KPNB1: variants seen among roughly 807,000 people sequenced by gnomAD.
KPNB1 encodes the protein karyopherin subunit beta 1, also known as importin subunit beta-1.
KPNB1 carries 7 observed loss-of-function variants against 113.0 expected under a neutral mutation model. The ratio of observed to expected loss-of-function variants is 0.06; its 90% CI spans 0.04 to 0.12. KPNB1 has a LOEUF of 0.12. KPNB1 is among the 10% of genes least tolerant of loss of function. The probability of loss-of-function intolerance (pLI) is 1.00; values close to 1 mark genes in which losing one functional copy is unlikely to be tolerated. For missense variants in KPNB1, 400 were observed against 1,054.8 expected (o/e 0.38, Z 8.60); for synonymous variants, 363 against 378.6 (o/e 0.96, Z 0.48).
chr17:47,656,490 T>C (rs1390108665), intron 3 of KPNB1, among the ~76,000 whole-genome samples: 1 of 151,738 alleles, frequency 6.6e-6, no homozygotes, highest in Non-Finnish European at 1.5e-5. Context: ...CATTGCACTA[T>C]CGTTTTGCTA....
At position 47,682,656 on chromosome 17, in the gene KPNB1, A is replaced by G; in HGVS notation, c.*252A>G. 1.8e-6 allele frequency: 1 copy of G among 543,806 alleles called. No homozygotes were observed. Among genetic ancestry groups the G allele is most frequent in the Admixed American group, 3.4e-5 (1 of 28,992 alleles). The allele number at this position is 543,806 out of a possible 1,614,324, so 33.7% of individuals were successfully genotyped here. A position where few individuals can be genotyped will look rare whatever the true frequency, so the allele number is the denominator to read the frequency against. ...CATAACATCGGCCATCTTGGAAAAG[A>G]GAAAAACAATGGAGTTACTTATTTA... On this transcript the variant is annotated 3_prime_UTR_variant, in exon 22 of 22. Coordinates refer to ENST00000290158, the MANE Select transcript of KPNB1 (RefSeq NM_002265.6).
intron 15 of KPNB1, 67 bp downstream of exon 15, chr17:47,674,849 A>G (rs1270745038): frequency 6.6e-7 from 1 of 1,506,062 alleles, no homozygotes; most frequent in East Asian, 2.3e-5. Flanking sequence ...GGCCTTAAAT[A>G]ATTGTCACCC....
chr17:47,683,741 TG>T lies in KPNB1; in HGVS notation c.*1338del, dbSNP rs982575861. On this transcript the variant is annotated 3_prime_UTR_variant, in exon 22 of 22. Transcript: ENST00000290158. ...AACAAAAACAAAAAAAAGTGTGTGTTGTGTGAATACACACACACACTAACTA... is the reference window on the plus strand; with the variant it reads ...AACAAAAACAAAAAAAAGTGTGTGTTTGTGAATACACACACACACTAACTA... The T allele has an allele frequency of 4.1e-3, 2 of 492 alleles. No individual in the cohort carries two copies. Among genetic ancestry groups the T allele is most frequent in the Non-Finnish European group, 0.043 (2 of 46 alleles). 0.0% of individuals were successfully genotyped at this position (492 alleles called of 1,614,324 possible). A position where few individuals can be genotyped will look rare whatever the true frequency, so the allele number is the denominator to read the frequency against.
chr17:47,675,361 G>GTTTTTGTTTTTTTTTTTTTTTTTTTTTTT lies in KPNB1; in HGVS notation c.1912+584_1912+585insGTTTTTTTTTTTTTTTTTTTTTTTTTTTT, dbSNP rs2030568124. Among the ~76,000 whole-genome samples, 4 of 88,690 alleles carry GTTTTTGTTTTTTTTTTTTTTTTTTTTTTT rather than the reference G, an allele frequency of 4.5e-5. No homozygotes were observed. In the East Asian group the frequency reaches 8.7e-4, roughly 19 times the overall value. 58.2% of individuals were successfully genotyped at this position (88,690 alleles called of 152,430 possible). The stretch of plus-strand genomic sequence containing the variant: ...TGCAACGGAGATTGGCAGAGGTGTT[G>GTTTTTGTTTTTTTTTTTTTTTTTTTTTTT]TTTTTTTTTTGTTTTTTTTTTTTGT... On this transcript the variant is annotated intron_variant, in intron 15 of 21. Transcript: ENST00000290158.
intron 9 of KPNB1, among the ~76,000 whole-genome samples, chr17:47,666,791 G>A (rs929763707): frequency 2.6e-5 from 4 of 151,378 alleles, no homozygotes; most frequent in Admixed American, 6.6e-5. Flanking sequence ...GCTAATTTTT[G>A]TAGTTTTAGT....
intron 9 of KPNB1, among the ~76,000 whole-genome samples, chr17:47,667,475 T>C (rs1304532372): frequency 1.3e-5 from 2 of 151,936 alleles, no homozygotes; most frequent in Admixed American, 1.3e-4. Context: ...TTCCCAGTCA[T>C]GAAACTCCCT....
intron 9 of KPNB1, among the ~76,000 whole-genome samples, chr17:47,667,143 G>C (rs922293400): frequency 1.3e-5 from 2 of 151,006 alleles, no homozygotes; most frequent in Non-Finnish European, 3.0e-5. Context: ...TGGCGTTGGG[G>C]GGTACAGAGT....
intron 21 of KPNB1, among the ~76,000 whole-genome samples, chr17:47,680,953 C>T (rs2030752443): frequency 6.6e-6 from 1 of 152,172 alleles, no homozygotes; most frequent in Non-Finnish European, 1.5e-5. Flanking sequence ...CCCTAATTCT[C>T]TTCTGTTTTC....
At chr17:47,675,364 T>G (rs976036716) in intron 15 of KPNB1, among the ~76,000 whole-genome samples, 85 of 113,256 alleles carry the variant, frequency 7.5e-4, no homozygotes, top group Non-Finnish European at 1.1e-3. Flanking sequence ...AGGTGTTGTT[T>G]TTTTTTTGTT....
chr17:47,659,752 G>A (rs2030033294), intron 5 of KPNB1, among the ~76,000 whole-genome samples: 1 of 152,094 alleles, frequency 6.6e-6, no homozygotes, highest in South Asian at 2.1e-4. Context: ...TTAAGAAACA[G>A]GATATATAGC....
chr17:47,662,173 A>AAAG (rs2030121677), intron 6 of KPNB1: 1 of 152,040 alleles, frequency 6.6e-6, no homozygotes, highest in South Asian at 2.1e-4. Flanking sequence ...TTACAGGCGC[A>AAAG]TGTCTGTAAT....
At chr17:47,675,361 G>GTTTGTTTTTT (rs2030567873) in intron 15 of KPNB1, among the ~76,000 whole-genome samples, 1 of 88,692 alleles carries the variant, frequency 1.1e-5, no homozygotes. Flanking sequence ...CAGAGGTGTT[G>GTTTGTTTTTT]TTTTTTTTTT....
rs776323378 is a variant in KPNB1 at position 47,664,173 on chromosome 17, A to C, written c.801A>C (p.Ala267=). The C allele has an allele frequency of 3.7e-6, 6 of 1,611,938 alleles. No homozygotes were observed. The Admixed American group carries it at 8.3e-5, about 22-fold the overall frequency. ...TTCTTCTTAAGATCACAATCGAAGCAATGAAAAGTGACATTGATGAGGTGG... is the reference window on the plus strand; with the variant it reads ...TTCTTCTTAAGATCACAATCGAAGCCATGAAAAGTGACATTGATGAGGTGG... ...GPALFAITIE[A]MKSDIDEVAL... is the part of the protein sequence containing the mutation. The change falls in exon 8 of 22, where the codon GCA becomes GCC. Residue 267 remains alanine, a synonymous_variant. Transcript: ENST00000290158.
intron 5 of KPNB1, among the ~76,000 whole-genome samples, chr17:47,658,984 G>A (rs1482091693): frequency 6.6e-6 from 1 of 152,076 alleles, no homozygotes; most frequent in East Asian, 1.9e-4. Flanking sequence ...AGGCTAAGGC[G>A]GGAGGATTGC....
At chr17:47,656,131 G>A (rs900721725) in intron 3 of KPNB1, among the ~76,000 whole-genome samples, 1 of 152,114 alleles carries the variant, frequency 6.6e-6, no homozygotes, top group Non-Finnish European at 1.5e-5. Context: ...GCAGGCACCT[G>A]TAATCCCAGC....
At chr17:47,674,912 G>T in intron 15 of KPNB1, 130 bp downstream of exon 15, 1 of 899,418 alleles carries the variant, frequency 1.1e-6, no homozygotes, top group South Asian at 1.7e-5. Context: ...GAAATCGTGG[G>T]CTCACATGAT....
At chr17:47,679,078 C>G (rs1263755530) in intron 19 of KPNB1, among the ~76,000 whole-genome samples, 3 of 151,402 alleles carry the variant, frequency 2.0e-5, no homozygotes, top group Non-Finnish European at 4.4e-5. Context: ...CACCACCATG[C>G]CCAGCTATTT....
intron 19 of KPNB1, among the ~76,000 whole-genome samples, chr17:47,679,597 G>T (rs984505463): frequency 9.2e-5 from 14 of 152,294 alleles, no homozygotes; most frequent in African/African-American, 3.4e-4. Context: ...TAGTTATCCA[G>T]CTTGGACCTT....
chr17:47,678,197 TA>T lies in KPNB1; in HGVS notation c.2247+11del. On this transcript the variant is annotated intron_variant, in intron 18 of 21. Transcript: ENST00000290158. ...CAAGCCCAGGTGGACAAGGTAAGCT[TA>T]AAGCTATCTTGGCTGTTCTTTAAGT... 1 of 1,614,066 alleles carries T rather than the reference TA, an allele frequency of 6.2e-7. No homozygotes were observed. The highest frequency in any genetic ancestry group is 1.1e-5 in the South Asian group (1 of 91,078).
Sources: gnomAD v4.1 joint callset for allele counts (sites outside exome capture counted in the v4.1 genomes callset) on GRCh38, gnomAD v4.1.1 for gene constraint, MANE v1.5 for transcripts, NCBI Gene and HGNC (gene_info 2026-07-23, HGNC 2026-07-21) for gene names.